Variants in AKAP13 observed in about 807,000 individuals in gnomAD.
AKAP13 encodes the protein A-kinase anchoring protein 13.
A neutral mutation model predicts 264.5 loss-of-function variants in AKAP13; 80 were observed. The ratio of observed to expected loss-of-function variants is 0.30; its 90% CI spans 0.25 to 0.36. The LOEUF (loss-of-function observed/expected upper bound fraction) is 0.36. Ranked by LOEUF, AKAP13 falls within the 10% of genes least tolerant of loss-of-function variation. The pLI, the probability that AKAP13 is intolerant of heterozygous loss-of-function variation, is 1.00. For missense variants in AKAP13, 3,712 were observed against 3,435.2 expected (o/e 1.08, Z -2.01); for synonymous variants, 1,380 against 1,250.2 (o/e 1.10, Z -2.19).
At chr15:85,568,787 A>C (rs2078700278) in intron 5 of AKAP13, among the ~76,000 whole-genome samples, 1 of 152,256 alleles carries the variant, frequency 6.6e-6, no homozygotes, top group Non-Finnish European at 1.5e-5. Context: ...TCAATACAAA[A>C]AGAACAACAA....
chr15:85,562,844 C>T (rs2078449500), intron 5 of AKAP13, among the ~76,000 whole-genome samples: 1 of 144,472 alleles, frequency 6.9e-6, no homozygotes, highest in Non-Finnish European at 1.5e-5. Flanking sequence ...TACAGGCATG[C>T]GCCACCACGC....
intron 10 of AKAP13, among the ~76,000 whole-genome samples, chr15:85,646,922 A>G (rs2082585035): frequency 6.6e-6 from 1 of 152,202 alleles, no homozygotes; most frequent in Non-Finnish European, 1.5e-5. Flanking sequence ...AGAGATGGCA[A>G]ATGCTACTCA....
intron 8 of AKAP13, among the ~76,000 whole-genome samples, chr15:85,637,182 T>C (rs1465312587): frequency 1.3e-5 from 2 of 152,224 alleles, no homozygotes. Flanking sequence ...GCATTGTAAA[T>C]ACTTTTCTTC....
chr15:85,583,610 G>A (rs1831403147), intron 7 of AKAP13, among the ~76,000 whole-genome samples: 1 of 152,154 alleles, frequency 6.6e-6, no homozygotes, highest in African/African-American at 2.4e-5. Flanking sequence ...GCCTGGTGAT[G>A]TTCTTTTCAT....
At chr15:85,469,272 A>G (rs11630381) in intron 1 of AKAP13, among the ~76,000 whole-genome samples, 45,472 of 151,614 alleles carry the variant, frequency 0.3, 9,016 homozygotes, top group Non-Finnish European at 0.44. Flanking sequence ...TATATGTCCT[A>G]TTGCAACCAG....
intron 2 of AKAP13, among the ~76,000 whole-genome samples, chr15:85,515,461 C>G (rs2076569310): frequency 7.2e-6 from 1 of 138,580 alleles, no homozygotes. Context: ...ATACCAAAAC[C>G]AGGAATTTTA....
At chr15:85,520,974 T>C (rs1780510040) in intron 2 of AKAP13, among the ~76,000 whole-genome samples, 1 of 152,222 alleles carries the variant, frequency 6.6e-6, no homozygotes, top group African/African-American at 2.4e-5. Flanking sequence ...ATTTATGGGA[T>C]ATAGAATTTA....
intron 5 of AKAP13, among the ~76,000 whole-genome samples, chr15:85,566,210 A>G (rs2078600452): frequency 6.6e-6 from 1 of 152,244 alleles, no homozygotes; most frequent in Non-Finnish European, 1.5e-5. Context: ...CAATGCTGTT[A>G]TACCATTTTA....
Position 85,432,743 on chromosome 15 carries a change from T to C in AKAP13, c.-12+51945T>C, listed in dbSNP as rs536093390. On this transcript the variant is annotated intron_variant, in intron 1 of 36. Transcript: ENST00000394518. ...CTGGCAGTGTTGCTATGGACTAATT[T>C]CCATCACTTTGAGTCATATTACTAT... Among the ~76,000 whole-genome samples, 3 of 152,288 alleles carry C rather than the reference T, an allele frequency of 2.0e-5. No homozygotes were observed. The South Asian group carries it at 6.2e-4, about 32-fold the overall frequency.
chr15:85,501,506 A>T (rs183287195), intron 2 of AKAP13, among the ~76,000 whole-genome samples: 108 of 152,322 alleles, frequency 7.1e-4, no homozygotes, highest in African/African-American at 2.4e-3. Context: ...GTGCATTTGT[A>T]TGCAGTAGAG....
chr15:85,582,798 G>T, intron 7 of AKAP13: 2 of 878,268 alleles, frequency 2.3e-6, no homozygotes, highest in Non-Finnish European at 2.7e-6. Flanking sequence ...CCTGCACAGT[G>T]CAGGGGATAG....
chr15:85,490,917 G>T (rs181320000), intron 2 of AKAP13, among the ~76,000 whole-genome samples: 1 of 152,302 alleles, frequency 6.6e-6, no homozygotes, highest in African/African-American at 2.4e-5. Context: ...TATCTTGGGT[G>T]GTCAGGGAAG....
At position 85,718,530 on chromosome 15, in the gene AKAP13, G is replaced by C. The variant is rs1228563025; in HGVS notation, c.6001+371G>C. Among the ~76,000 whole-genome samples, 1 of 152,136 alleles carries C rather than the reference G, an allele frequency of 6.6e-6. No homozygotes were observed. Among genetic ancestry groups the C allele is most frequent in the East Asian group, 1.9e-4 (1 of 5,190 alleles). On this transcript the variant is annotated intron_variant, in intron 22 of 36. Transcript: ENST00000394518. The surrounding 1 kb of genome is among the most constrained non-coding windows in gnomAD (Gnocchi z 4.9). ...GCTGAATCCAGTGAAGACCTCTTTG[G>C]AAGTCATAATTTAAGACTGATGGAA...
chr15:85,591,074 C>T (rs1049082157), intron 8 of AKAP13, among the ~76,000 whole-genome samples: 1 of 152,052 alleles, frequency 6.6e-6, no homozygotes, highest in African/African-American at 2.4e-5. Context: ...CTTCTGAGAC[C>T]GTTACAATTT....
chr15:85,462,881 G>A (rs992724502), intron 1 of AKAP13, among the ~76,000 whole-genome samples: 47 of 150,540 alleles, frequency 3.1e-4, no homozygotes, highest in African/African-American at 1.1e-3. Context: ...AAAATTAGCC[G>A]GGCGTAGTGG....
chr15:85,561,807 AAT>A lies in AKAP13; in HGVS notation c.663-13323_663-13322del, dbSNP rs2078387835. 1.3e-4 allele frequency among the ~76,000 whole-genome samples: 20 copies of A among 152,326 alleles called. 1 individual carries two copies. The South Asian group carries it at 2.5e-3, about 19-fold the overall frequency. On this transcript the variant is annotated intron_variant, in intron 5 of 36. Coordinates refer to ENST00000394518, the MANE Select transcript of AKAP13 (RefSeq NM_007200.5). ...CCCTCAGGATGAAAAGCAAGAGAAA[AAT>A]GACCATAGACGCCATGGACTACTAA...
intron 1 of AKAP13, among the ~76,000 whole-genome samples, chr15:85,447,836 G>C (rs1248686860): frequency 6.6e-6 from 1 of 152,154 alleles, no homozygotes; most frequent in Non-Finnish European, 1.5e-5. Context: ...GAGCATTTGT[G>C]TGCATGTGTC....
intron 1 of AKAP13, among the ~76,000 whole-genome samples, chr15:85,407,099 G>A (rs1233084534): frequency 2.0e-5 from 3 of 151,746 alleles, no homozygotes; most frequent in African/African-American, 7.3e-5. Flanking sequence ...CACTAGGAAT[G>A]CAAAGATAAT....
intron 5 of AKAP13, among the ~76,000 whole-genome samples, chr15:85,559,407 T>C (rs1475547464): frequency 6.6e-6 from 1 of 152,160 alleles, no homozygotes; most frequent in South Asian, 2.1e-4. Context: ...TTCATGGACC[T>C]GTGGGAGGAG....
Sources: allele counts gnomAD v4.1 joint callset (sites outside exome capture counted in the v4.1 genomes callset), GRCh38; gene constraint gnomAD v4.1.1; non-coding constraint Gnocchi (gnomAD v3.1); transcripts MANE v1.5; gene names NCBI Gene and HGNC (gene_info 2026-07-23, HGNC 2026-07-21).